DIAPH3: variants seen among roughly 807,000 people sequenced by gnomAD.
DIAPH3 encodes the protein protein diaphanous homolog 3.
Under a neutral mutation model 144.3 loss-of-function variants are expected in DIAPH3, and 117 were observed. That is an observed-to-expected ratio of 0.81 (90% CI 0.70 to 0.95). The LOEUF (loss-of-function observed/expected upper bound fraction) is 0.95, where lower values mean the gene tolerates loss of function less well. Among genes scored for constraint, DIAPH3 ranks in the 40% least tolerant of loss-of-function variants. The probability of loss-of-function intolerance (pLI) is 0.00; values close to 1 mark genes in which losing one functional copy is unlikely to be tolerated. For synonymous variants in DIAPH3, 519 were observed against 488.9 expected, an observed-to-expected ratio of 1.06 and a Z score of -0.81; for missense variants, 1,421 against 1,412.7, an observed-to-expected ratio of 1.01 and a Z score of -0.09.
chr13:59,815,665 A>G (rs1259788132), intron 24 of DIAPH3, among the ~76,000 whole-genome samples: 1 of 152,106 alleles, frequency 6.6e-6, no homozygotes, highest in Non-Finnish European at 1.5e-5. Flanking sequence ...AATATTGTCT[A>G]AGCTGGTCTT....
intron 17 of DIAPH3, among the ~76,000 whole-genome samples, chr13:59,943,537 T>TTCAC (rs1414963791): frequency 5.9e-5 from 9 of 152,168 alleles, no homozygotes; most frequent in African/African-American, 1.7e-4. Flanking sequence ...CGTTCATTCA[T>TTCAC]TCACTCACTC....
intron 22 of DIAPH3, among the ~76,000 whole-genome samples, chr13:59,848,241 G>A (rs1450259316): frequency 6.7e-6 from 1 of 150,228 alleles, no homozygotes; most frequent in Non-Finnish European, 1.5e-5. Context: ...TAAGTCAGAT[G>A]TCACTCTTTT....
At chr13:60,087,848 G>T (rs1481486662) in intron 4 of DIAPH3, among the ~76,000 whole-genome samples, 1 of 151,778 alleles carries the variant, frequency 6.6e-6, no homozygotes. Flanking sequence ...TCTTAGAAAT[G>T]TGGGATGGGC....
At chr13:60,071,495 A>G (rs1337762708) in intron 4 of DIAPH3, among the ~76,000 whole-genome samples, 1 of 152,174 alleles carries the variant, frequency 6.6e-6, no homozygotes, top group Non-Finnish European at 1.5e-5. Flanking sequence ...AGAATTTAAG[A>G]ACCATTATTC....
At chr13:59,887,109 T>A (rs540522183) in intron 20 of DIAPH3, among the ~76,000 whole-genome samples, 16 of 152,198 alleles carry the variant, frequency 1.1e-4, no homozygotes, top group African/African-American at 3.6e-4. Context: ...AAAAAATGAC[T>A]GAATTCTGTC....
chr13:60,014,586 A>G (rs907299108), intron 7 of DIAPH3, among the ~76,000 whole-genome samples: 2 of 152,176 alleles, frequency 1.3e-5, no homozygotes, highest in Non-Finnish European at 1.5e-5. Context: ...TACATGTAGT[A>G]AAATAAATAT....
chr13:59,828,225 C>CTATCCTTCACCT (rs988756298), intron 24 of DIAPH3, among the ~76,000 whole-genome samples: 6 of 152,110 alleles, frequency 3.9e-5, no homozygotes, highest in African/African-American at 1.4e-4. Flanking sequence ...TGCTGACCCT[C>CTATCCTTCACCT]TATCCTTCAC....
chr13:59,728,264 T>TTTTAA (rs200969956), intron 27 of DIAPH3, among the ~76,000 whole-genome samples: 6,510 of 152,164 alleles, frequency 0.043, 229 homozygotes, highest in South Asian at 0.11. Flanking sequence ...TGCTTTTCCA[T>TTTTAA]TTTAAGAATT....
At chr13:59,931,178 A>G (rs2048000301) in intron 17 of DIAPH3, among the ~76,000 whole-genome samples, 1 of 152,128 alleles carries the variant, frequency 6.6e-6, no homozygotes, top group Admixed American at 6.5e-5. Context: ...TCACGATAAT[A>G]TCCTATCCAT....
intron 5 of DIAPH3, chr13:60,034,632 T>C (rs1174042496): frequency 2.0e-5 from 3 of 152,194 alleles, no homozygotes; most frequent in Admixed American, 6.5e-5. Context: ...GGTCACCATA[T>C]TGATGCTGAA....
chr13:60,012,674 A>T (rs1430301743), intron 7 of DIAPH3: 1 of 152,548 alleles, frequency 6.6e-6, no homozygotes, highest in African/African-American at 2.4e-5. Context: ...GCCCTTCTAG[A>T]ATCAGAATCC....
At chr13:59,905,086 T>C (rs1164055799) in intron 20 of DIAPH3, among the ~76,000 whole-genome samples, 1 of 151,998 alleles carries the variant, frequency 6.6e-6, no homozygotes, top group African/African-American at 2.4e-5. Context: ...CTCATGCCTG[T>C]AATCCCAGCA....
chr13:59,774,776 AC>A lies in DIAPH3; in HGVS notation c.3210del (p.Gln1070HisfsTer32). 6.2e-7 allele frequency: 1 copy of A among 1,614,182 alleles called. No homozygotes were observed. The highest frequency in any genetic ancestry group is 8.5e-7 in the Non-Finnish European group (1 of 1,180,030). ...GVMDNLLEALQSGAAFRDRRK... is the reference protein window; with the variant it reads ...GVMDNLLEALXSGAAFRDRRK... ...CTTCTGTCGCGGAAGGCAGCCCCGG[AC>A]TGCAAGGCCTCCAGCAGATTATCCA... On this transcript the variant is annotated frameshift_variant, in exon 26 of 28. Transcript: ENST00000400324. LOFTEE classifies it high-confidence loss of function.
chr13:60,082,627 T>C (rs186679384), intron 4 of DIAPH3, among the ~76,000 whole-genome samples: 173 of 152,162 alleles, frequency 1.1e-3, no homozygotes, highest in Non-Finnish European at 1.9e-3. Context: ...AAGCATTTTA[T>C]ATCCAACAAA....
At chr13:59,932,909 T>C (rs906548802) in intron 17 of DIAPH3, among the ~76,000 whole-genome samples, 1 of 152,218 alleles carries the variant, frequency 6.6e-6, no homozygotes, top group African/African-American at 2.4e-5. Context: ...ACAAAAAGAT[T>C]GATTTGGAAA....
intron 4 of DIAPH3, among the ~76,000 whole-genome samples, chr13:60,092,379 G>A (rs1332635964): frequency 1.3e-5 from 2 of 152,170 alleles, no homozygotes; most frequent in African/African-American, 4.8e-5. Context: ...AAGGCCGGGC[G>A]CAGTGGCTCA....
At chr13:59,689,253 GA>G (rs1159243522) in intron 27 of DIAPH3, among the ~76,000 whole-genome samples, 1 of 152,070 alleles carries the variant, frequency 6.6e-6, no homozygotes, top group Non-Finnish European at 1.5e-5. Context: ...ATCAGTCAGA[GA>G]GAAGAATTTG....
chr13:59,924,657 C>T, intron 18 of DIAPH3, 118 bp downstream of exon 18: 6 of 1,422,888 alleles, frequency 4.2e-6, no homozygotes, highest in Non-Finnish European at 5.6e-6. Flanking sequence ...GTGAATTTAT[C>T]ATGCATATAA....
At chr13:60,108,380 G>A (rs534820331) in intron 3 of DIAPH3, among the ~76,000 whole-genome samples, 10 of 152,132 alleles carry the variant, frequency 6.6e-5, no homozygotes, top group African/African-American at 1.7e-4. Context: ...AGGCTGAAGC[G>A]GGTGGATCAC....
Sources: allele counts gnomAD v4.1 joint callset (sites outside exome capture counted in the v4.1 genomes callset), GRCh38; gene constraint gnomAD v4.1.1; transcripts MANE v1.5; gene names NCBI Gene and HGNC (gene_info 2026-07-23, HGNC 2026-07-21).